The following DCLK2 variants were observed in gnomAD, a reference collection of about 807,000 sequenced individuals.
DCLK2 encodes serine/threonine-protein kinase DCLK2.
Under a neutral mutation model 78.4 loss-of-function variants are expected in DCLK2, and 31 were observed. The ratio of observed to expected loss-of-function variants is 0.40; its 90% CI spans 0.30 to 0.53. The LOEUF (loss-of-function observed/expected upper bound fraction) is 0.53. Ranked by LOEUF, DCLK2 falls within the 20% of genes least tolerant of loss-of-function variation. The pLI is 0.61. For synonymous variants in DCLK2, 407 were observed against 374.9 expected (o/e 1.09, Z -0.99); for missense variants, 872 against 973.7 (o/e 0.90, Z 1.39).
chr4:150,179,574 C>T (rs1431838892), intron 2 of DCLK2, among the ~76,000 whole-genome samples: 1 of 152,156 alleles, frequency 6.6e-6, no homozygotes, highest in Non-Finnish European at 1.5e-5. Flanking sequence ...GTATGCTAAA[C>T]AGACACCAAA....
chr4:150,137,512 A>G (rs1253188159), intron 2 of DCLK2, among the ~76,000 whole-genome samples: 1 of 152,184 alleles, frequency 6.6e-6, no homozygotes, highest in Admixed American at 6.5e-5. Context: ...GACAGTGAAT[A>G]GTGCAATCTC....
intron 12 of DCLK2, among the ~76,000 whole-genome samples, chr4:150,240,850 T>C (rs1276455375): frequency 1.3e-5 from 2 of 152,150 alleles, no homozygotes; most frequent in African/African-American, 4.8e-5. Context: ...ATATTCTCAT[T>C]AGCATACTTT....
intron 6 of DCLK2, among the ~76,000 whole-genome samples, chr4:150,221,450 C>T (rs1741183235): frequency 6.6e-6 from 1 of 151,814 alleles, no homozygotes; most frequent in Non-Finnish European, 1.5e-5. Context: ...CCTGATATCT[C>T]AGGGATTTGT....
intron 2 of DCLK2, among the ~76,000 whole-genome samples, chr4:150,174,523 G>A (rs1426069730): frequency 2.6e-5 from 4 of 152,078 alleles, no homozygotes; most frequent in Non-Finnish European, 4.4e-5. Context: ...GCCACGCTTC[G>A]TTTAAGAAGG....
At chr4:150,235,287 G>A (rs1006700098) in intron 10 of DCLK2, among the ~76,000 whole-genome samples, 31 of 152,166 alleles carry the variant, frequency 2.0e-4, no homozygotes, top group Non-Finnish European at 7.3e-5. Flanking sequence ...TAAAGAATCT[G>A]ACACCGCCTC....
intron 2 of DCLK2, among the ~76,000 whole-genome samples, chr4:150,141,135 C>T (rs1235763224): frequency 1.3e-5 from 2 of 152,144 alleles, no homozygotes; most frequent in Non-Finnish European, 2.9e-5. Context: ...GTTTTAATTT[C>T]ATAGTGTTTC....
At chr4:150,080,169 G>C (rs1729149756) in intron 1 of DCLK2, among the ~76,000 whole-genome samples, 1 of 149,532 alleles carries the variant, frequency 6.7e-6, no homozygotes, top group Non-Finnish European at 1.5e-5. Flanking sequence ...GTGCTAAAGG[G>C]TTTTCCACAT....
intron 2 of DCLK2, among the ~76,000 whole-genome samples, chr4:150,188,794 A>G (rs1738153381): frequency 6.6e-6 from 1 of 150,762 alleles, no homozygotes; most frequent in South Asian, 2.1e-4. Flanking sequence ...AATCCCAGCT[A>G]CTCGGGAGGC....
In DCLK2 at chr4:150,080,150, A is replaced by G. The variant is rs140534340; in HGVS notation, c.421+702A>G. Reference sequence around the variant, plus strand: ...TGATTCTAATGTGGGACCCTGGTTAACAATCACCGTGCTAAAGGGTTTTCC... The same window carrying G: ...TGATTCTAATGTGGGACCCTGGTTAGCAATCACCGTGCTAAAGGGTTTTCC... On this transcript the variant is annotated intron_variant, in intron 1 of 15. Transcript: ENST00000296550. Among the ~76,000 whole-genome samples the G allele has an allele frequency of 2.7e-4, 40 of 148,900 alleles. No homozygotes were observed. In the East Asian group the frequency reaches 8.0e-3, roughly 30 times the overall value.
chr4:150,089,878 G>C (rs1729924705), intron 1 of DCLK2, among the ~76,000 whole-genome samples: 1 of 152,196 alleles, frequency 6.6e-6, no homozygotes, highest in Admixed American at 6.5e-5. Flanking sequence ...AGAATGCCGT[G>C]TAATGAGTCA....
intron 2 of DCLK2, among the ~76,000 whole-genome samples, chr4:150,180,698 A>G (rs1025995125): frequency 2.0e-5 from 3 of 152,084 alleles, no homozygotes; most frequent in Admixed American, 2.0e-4. Context: ...TCTCTCTCTG[A>G]CCTTCTCCTG....
intron 2 of DCLK2, among the ~76,000 whole-genome samples, chr4:150,114,214 T>G (rs1258128150): frequency 6.6e-6 from 1 of 152,210 alleles, no homozygotes; most frequent in Non-Finnish European, 1.5e-5. Context: ...AGAATGTATA[T>G]TCTGTAGTTA....
At chr4:150,140,246 T>C (rs1734023745) in intron 2 of DCLK2, among the ~76,000 whole-genome samples, 1 of 152,264 alleles carries the variant, frequency 6.6e-6, no homozygotes, top group Admixed American at 6.5e-5. Context: ...ATTATTGTTA[T>C]TATGATACCT....
intron 2 of DCLK2, among the ~76,000 whole-genome samples, chr4:150,160,651 T>TTAC (rs1735638036): frequency 6.6e-6 from 1 of 152,230 alleles, no homozygotes; most frequent in African/African-American, 2.4e-5. Flanking sequence ...TTTGTAATCA[T>TTAC]TACTGTGTTC....
At chr4:150,117,515 C>G (rs1412662846) in intron 2 of DCLK2, among the ~76,000 whole-genome samples, 1 of 152,186 alleles carries the variant, frequency 6.6e-6, no homozygotes, top group African/African-American at 2.4e-5. Flanking sequence ...TCATCCCCCC[C>G]TTAAGATTAT....
chr4:150,111,361 T>C, intron 2 of DCLK2, among the ~76,000 whole-genome samples: 1 of 152,190 alleles, frequency 6.6e-6, no homozygotes, highest in East Asian at 1.9e-4. Context: ...TTTGAGTTCC[T>C]TGTAGATTCT....
chr4:150,217,298 T>C (rs1449519928), intron 5 of DCLK2, among the ~76,000 whole-genome samples: 1 of 152,214 alleles, frequency 6.6e-6, no homozygotes, highest in Non-Finnish European at 1.5e-5. Context: ...CTGGGAATGC[T>C]TTGCCTTATA....
chr4:150,228,895 G>A lies in DCLK2; in HGVS notation c.1300-3442G>A, dbSNP rs376196720. 6.2e-4 allele frequency among the ~76,000 whole-genome samples: 94 copies of A among 151,938 alleles called. 1 individual carries two copies. Among genetic ancestry groups the A allele is most frequent in the African/African-American group, 2.1e-3 (89 of 41,410 alleles). ...CAAAAAATTAGCCAGGCGCGGTGGC[G>A]GGCGCCTGTAGTCCCAGCTACTCGG... On this transcript the variant is annotated intron_variant, in intron 8 of 15. Coordinates refer to ENST00000296550, the MANE Select transcript of DCLK2 (RefSeq NM_001040260.4).
intron 2 of DCLK2, among the ~76,000 whole-genome samples, chr4:150,162,003 A>C (rs1735735714): frequency 6.6e-6 from 1 of 152,058 alleles, no homozygotes; most frequent in Non-Finnish European, 1.5e-5. Flanking sequence ...GACTTTCTTC[A>C]TGTCACCACC....
Sources: allele counts gnomAD v4.1 joint callset (sites outside exome capture counted in the v4.1 genomes callset), GRCh38; gene constraint gnomAD v4.1.1; transcripts MANE v1.5; gene names NCBI Gene and HGNC (gene_info 2026-07-23, HGNC 2026-07-21).